Variants in ERBB4 observed in about 807,000 individuals in gnomAD.
ERBB4 encodes the protein erb-b2 receptor tyrosine kinase 4, also known as receptor tyrosine-protein kinase erbB-4.
Under a neutral mutation model 158.0 loss-of-function variants are expected in ERBB4, and 42 were observed. That is an observed-to-expected ratio of 0.27 (90% CI 0.21 to 0.34). ERBB4 has a LOEUF of 0.34. Among genes scored for constraint, ERBB4 ranks in the 10% least tolerant of loss-of-function variants. The pLI, the probability that ERBB4 is intolerant of heterozygous loss-of-function variation, is 1.00. For missense variants in ERBB4, 1,333 were observed against 1,624.1 expected, an observed-to-expected ratio of 0.82 and a Z score of 3.08; for synonymous variants, 583 against 558.7, an observed-to-expected ratio of 1.04 and a Z score of -0.61.
At chr2:211,978,396 G>GTCTGTCTGTCTGTCTGTCTGTCTA (rs77259627) in intron 2 of ERBB4, among the ~76,000 whole-genome samples, 1 of 136,560 alleles carries the variant, frequency 7.3e-6, no homozygotes, top group Non-Finnish European at 1.6e-5. Context: ...CTGTCTGTCT[G>GTCTGTCTGTCTGTCTGTCTGTCTA]TCTATCTATC....
chr2:212,484,210 C>A (rs1480177841), intron 1 of ERBB4, among the ~76,000 whole-genome samples: 1 of 152,146 alleles, frequency 6.6e-6, no homozygotes, highest in Non-Finnish European at 1.5e-5. Context: ...CTATAAAATA[C>A]TTGTTTCATT....
chr2:212,183,072 T>C (rs906667187), intron 1 of ERBB4, among the ~76,000 whole-genome samples: 4 of 151,762 alleles, frequency 2.6e-5, no homozygotes, highest in African/African-American at 9.7e-5. Context: ...AAAATTTAAA[T>C]AATTATTAGG....
In ERBB4 at chr2:211,696,055, C is replaced by G. The variant is rs914015959; in HGVS notation, c.1489+5912G>C. ...TCCTTCCCTCCTTCCCCTTCCCCCC[C>G]TCCCTCCCTCCCTCCTTCCTTCCTT... is the stretch of plus-strand genomic sequence containing the variant. On this transcript the variant is annotated intron_variant, in intron 12 of 27. Transcript: ENST00000342788. Among the ~76,000 whole-genome samples the G allele has an allele frequency of 5.1e-5, 6 of 117,154 alleles. No individual in the cohort carries two copies. In the Admixed American group the frequency reaches 6.0e-4, roughly 12 times the overall value. 76.9% of individuals were successfully genotyped at this position (117,154 alleles called of 152,430 possible). A position where few individuals can be genotyped will look rare whatever the true frequency, so the allele number is the denominator to read the frequency against.
intron 1 of ERBB4, among the ~76,000 whole-genome samples, chr2:212,225,588 G>C (rs1278548288): frequency 6.6e-6 from 1 of 151,632 alleles, no homozygotes; most frequent in African/African-American, 2.4e-5. Flanking sequence ...ATTAGGATTT[G>C]CTGAAAACAA....
At chr2:212,364,551 T>C (rs919153769) in intron 1 of ERBB4, among the ~76,000 whole-genome samples, 4 of 151,712 alleles carry the variant, frequency 2.6e-5, no homozygotes, top group African/African-American at 4.8e-5. Flanking sequence ...AAATGTAACA[T>C]TAAAGAAGCT....
chr2:212,222,914 GGATA>G (rs566859126), intron 1 of ERBB4, among the ~76,000 whole-genome samples: 86 of 151,316 alleles, frequency 5.7e-4, no homozygotes, highest in Non-Finnish European at 9.6e-4. Flanking sequence ...AATGATTATT[GGATA>G]GATAAAGAGT....
chr2:211,698,829 A>C (rs1302931010), intron 12 of ERBB4, among the ~76,000 whole-genome samples: 1 of 152,172 alleles, frequency 6.6e-6, no homozygotes, highest in African/African-American at 2.4e-5. Context: ...ACCTACTCTA[A>C]AACTTCTTCC....
intron 25 of ERBB4, among the ~76,000 whole-genome samples, chr2:211,413,392 C>T (rs1421549663): frequency 1.3e-5 from 2 of 150,920 alleles, no homozygotes; most frequent in Non-Finnish European, 3.0e-5. Flanking sequence ...AACAAAAGCC[C>T]TTGTCATAGG....
chr2:211,791,239 GAA>G (rs2076273451), intron 3 of ERBB4, among the ~76,000 whole-genome samples: 1 of 151,858 alleles, frequency 6.6e-6, no homozygotes, highest in Admixed American at 6.6e-5. Flanking sequence ...CAAGGATTAG[GAA>G]AAGAGAAAAG....
chr2:211,647,349 C>T (rs919631327), intron 16 of ERBB4, among the ~76,000 whole-genome samples: 1 of 151,586 alleles, frequency 6.6e-6, no homozygotes, highest in Non-Finnish European at 1.5e-5. Flanking sequence ...ATTTCCCAGT[C>T]TCTCTCTCTT....
At chr2:211,720,094 T>C (rs2074046461) in intron 7 of ERBB4, among the ~76,000 whole-genome samples, 1 of 152,096 alleles carries the variant, frequency 6.6e-6, no homozygotes, top group African/African-American at 2.4e-5. Flanking sequence ...GAGCAGGAGG[T>C]GCTAGTATAA....
intron 1 of ERBB4, among the ~76,000 whole-genome samples, chr2:212,211,256 C>T (rs1310056491): frequency 6.6e-6 from 1 of 152,122 alleles, no homozygotes; most frequent in Non-Finnish European, 1.5e-5. Flanking sequence ...CTCATCCCTC[C>T]AGTTTCCATT....
At chr2:212,391,689 ATT>A (rs2090866784) in intron 1 of ERBB4, among the ~76,000 whole-genome samples, 1 of 126,320 alleles carries the variant, frequency 7.9e-6, no homozygotes. Context: ...TATTATATAT[ATT>A]ATATTATATA....
intron 1 of ERBB4, among the ~76,000 whole-genome samples, chr2:212,279,637 G>T (rs2085677384): frequency 6.6e-6 from 1 of 151,374 alleles, no homozygotes; most frequent in Non-Finnish European, 1.5e-5. Flanking sequence ...GATAGCTTTT[G>T]CTTTTTTAAT....
At chr2:211,553,261 G>A (rs1327063113) in intron 20 of ERBB4, among the ~76,000 whole-genome samples, 2 of 151,988 alleles carry the variant, frequency 1.3e-5, no homozygotes, top group South Asian at 2.1e-4. Flanking sequence ...GAGCCACCAC[G>A]CCCAGCCCAA....
intron 1 of ERBB4, among the ~76,000 whole-genome samples, chr2:212,500,049 C>T (rs1690799647): frequency 6.6e-6 from 1 of 151,900 alleles, no homozygotes; most frequent in Non-Finnish European, 1.5e-5. Context: ...AATCCCTTTC[C>T]CCGGAATTTA....
intron 1 of ERBB4, among the ~76,000 whole-genome samples, chr2:212,374,671 A>T (rs1194595970): frequency 6.6e-6 from 1 of 152,040 alleles, no homozygotes; most frequent in Non-Finnish European, 1.5e-5. Context: ...CCATAAGACA[A>T]GTGAGATAAA....
intron 1 of ERBB4, among the ~76,000 whole-genome samples, chr2:212,325,365 G>C (rs2087777240): frequency 6.6e-6 from 1 of 150,400 alleles, no homozygotes; most frequent in African/African-American, 2.4e-5. Flanking sequence ...TGAATGAATT[G>C]TTTCTCTGAA....
In ERBB4 at chr2:211,375,991, T is replaced by C. The variant is rs2062465708; in HGVS notation, c.*7624A>G. 1 of 232,474 alleles carries C rather than the reference T, an allele frequency of 4.3e-6. No homozygotes were observed. Among genetic ancestry groups the C allele is most frequent in the African/African-American group, 2.2e-5 (1 of 45,148 alleles). The allele number at this position is 232,474 out of a possible 1,614,324, so 14.4% of individuals were successfully genotyped here. ...CCTCATTCTCAAATAACAACAGGAA[T>C]GAGGGAAAGGAAGGAGGATGGGTAA... On this transcript the variant is annotated 3_prime_UTR_variant, in exon 28 of 28. Transcript: ENST00000342788.
Sources: gnomAD v4.1 joint callset for allele counts (sites outside exome capture counted in the v4.1 genomes callset) on GRCh38, gnomAD v4.1.1 for gene constraint, MANE v1.5 for transcripts, NCBI Gene and HGNC (gene_info 2026-07-23, HGNC 2026-07-21) for gene names.